ARHGEF12: variants seen among roughly 807,000 people sequenced by gnomAD.
ARHGEF12 encodes the protein Rho guanine nucleotide exchange factor 12.
A neutral mutation model predicts 211.2 loss-of-function variants in ARHGEF12; 66 were observed. The ratio of observed to expected loss-of-function variants is 0.31; its 90% CI spans 0.26 to 0.38. The LOEUF (loss-of-function observed/expected upper bound fraction) is 0.38. Among genes scored for constraint, ARHGEF12 ranks in the 10% least tolerant of loss-of-function variants. ARHGEF12 has a pLI of 1.00. For synonymous variants in ARHGEF12, 592 were observed against 638.4 expected, an observed-to-expected ratio of 0.93 and a Z score of 1.09; for missense variants, 1,429 against 1,869.5, an observed-to-expected ratio of 0.76 and a Z score of 4.34.
intron 15 of ARHGEF12, among the ~76,000 whole-genome samples, chr11:120,444,921 T>C (rs1945999546): frequency 6.6e-6 from 1 of 152,100 alleles, no homozygotes; most frequent in South Asian, 2.1e-4. Context: ...TCACTGGGAG[T>C]GTGACATTGT....
At chr11:120,447,134 G>A (rs1242738074) in intron 18 of ARHGEF12, 49 bp downstream of exon 18, 1 of 1,591,788 alleles carries the variant, frequency 6.3e-7, no homozygotes, top group African/African-American at 1.3e-5. Flanking sequence ...TGAGATACTA[G>A]TTATGCTTGA....
intron 1 of ARHGEF12, chr11:120,365,616 T>C (rs1410691092): frequency 6.6e-6 from 1 of 152,232 alleles, no homozygotes; most frequent in Non-Finnish European, 1.5e-5. Flanking sequence ...ATTCTATATG[T>C]TGCCAAAGAT....
intron 4 of ARHGEF12, among the ~76,000 whole-genome samples, chr11:120,419,477 G>T (rs1369108455): frequency 1.3e-5 from 2 of 149,274 alleles, no homozygotes; most frequent in African/African-American, 2.5e-5. Flanking sequence ...GTTATCTTAT[G>T]AAAAATTTTA....
At chr11:120,412,258 C>G (rs1944907357) in intron 4 of ARHGEF12, among the ~76,000 whole-genome samples, 1 of 152,206 alleles carries the variant, frequency 6.6e-6, no homozygotes, top group Non-Finnish European at 1.5e-5. Flanking sequence ...TAACCGCTGT[C>G]ATGGTGTCTG....
chr11:120,397,931 T>C (rs1287892456), intron 1 of ARHGEF12, among the ~76,000 whole-genome samples: 1 of 152,234 alleles, frequency 6.6e-6, no homozygotes, highest in African/African-American at 2.4e-5. Flanking sequence ...TGGGAATATA[T>C]GCATAACAAT....
intron 17 of ARHGEF12, 68 bp from the exon 18 acceptor site, chr11:120,446,880 A>G: frequency 6.4e-7 from 1 of 1,554,628 alleles, no homozygotes; most frequent in South Asian, 1.2e-5. Context: ...GAAGACTGTG[A>G]TGAAGCGTCC....
At position 120,489,065 on chromosome 11, in the gene ARHGEF12, A is replaced by T; in HGVS notation, c.*3988A>T. The T allele has an allele frequency of 4.5e-6, 1 of 221,188 alleles. No individual in the cohort carries two copies. 13.7% of individuals were successfully genotyped at this position (221,188 alleles called of 1,614,324 possible). A position where few individuals can be genotyped will look rare whatever the true frequency, so the allele number is the denominator to read the frequency against. On this transcript the variant is annotated 3_prime_UTR_variant, in exon 41 of 41. Coordinates refer to ENST00000397843, the MANE Select transcript of ARHGEF12 (RefSeq NM_015313.3). ...TGACTTTTTATTTGTATTCTGGTTG[A>T]TTTGTCTTGTCCAAGTTATATTAGA...
intron 1 of ARHGEF12, among the ~76,000 whole-genome samples, chr11:120,342,877 A>C (rs1942579731): frequency 1.3e-5 from 2 of 152,230 alleles, no homozygotes; most frequent in South Asian, 4.1e-4. Flanking sequence ...CCTTTGATGG[A>C]AAATCATCTT....
intron 39 of ARHGEF12, among the ~76,000 whole-genome samples, chr11:120,483,229 C>A (rs891958630): frequency 6.6e-6 from 1 of 151,522 alleles, no homozygotes; most frequent in Non-Finnish European, 1.5e-5. Flanking sequence ...GTGCCACACA[C>A]CAGGTTTCTA....
At chr11:120,475,101 G>A (rs910147837) in intron 32 of ARHGEF12, among the ~76,000 whole-genome samples, 7 of 152,118 alleles carry the variant, frequency 4.6e-5, no homozygotes, top group South Asian at 2.1e-4. Flanking sequence ...GACTATAGGC[G>A]CACAGCACCA....
intron 1 of ARHGEF12, among the ~76,000 whole-genome samples, chr11:120,376,872 A>G (rs1483099307): frequency 1.3e-5 from 2 of 152,108 alleles, no homozygotes; most frequent in East Asian, 1.9e-4. Flanking sequence ...AGCTCCCACA[A>G]ATGAATGAGA....
At chr11:120,381,486 G>C (rs1943876637) in intron 1 of ARHGEF12, among the ~76,000 whole-genome samples, 1 of 152,164 alleles carries the variant, frequency 6.6e-6, no homozygotes, top group Non-Finnish European at 1.5e-5. Context: ...TTTGTCATTA[G>C]CCTTACAATT....
intron 3 of ARHGEF12, 174 bp from the exon 4 acceptor site, chr11:120,409,220 G>C (rs550383230): frequency 7.1e-6 from 4 of 560,232 alleles, no homozygotes; most frequent in Non-Finnish European, 1.3e-5. Context: ...TTTAAAATAT[G>C]TCATTACCTG....
chr11:120,336,848 C>T lies in ARHGEF12; in HGVS notation c.-396C>T, dbSNP rs986947846. ...CTTGCCGCGGCGGGGAGTTCGAGGC[C>T]CCGAGACTCCGGAGGAGGAGCCGAC... On this transcript the variant is annotated 5_prime_UTR_variant, in exon 1 of 41. Transcript: ENST00000397843. The T allele has an allele frequency of 2.7e-6, 1 of 366,322 alleles. No homozygotes were observed. The highest frequency in any genetic ancestry group is 2.1e-5 in the African/African-American group (1 of 48,116). 22.7% of individuals were successfully genotyped at this position (366,322 alleles called of 1,614,324 possible).
intron 6 of ARHGEF12, among the ~76,000 whole-genome samples, chr11:120,423,127 C>A (rs1003714484): frequency 2.6e-5 from 4 of 151,962 alleles, no homozygotes; most frequent in African/African-American, 9.7e-5. Flanking sequence ...CCTAAAGTAA[C>A]TGAAATACAT....
At chr11:120,432,731 A>T (rs1945585741) in intron 11 of ARHGEF12, among the ~76,000 whole-genome samples, 1 of 152,208 alleles carries the variant, frequency 6.6e-6, no homozygotes, top group Non-Finnish European at 1.5e-5. Context: ...ATATACACAC[A>T]TCTACTATTT....
intron 1 of ARHGEF12, among the ~76,000 whole-genome samples, chr11:120,369,938 C>A (rs902398839): frequency 6.6e-6 from 1 of 152,148 alleles, no homozygotes; most frequent in Non-Finnish European, 1.5e-5. Context: ...CTGCCCCTTT[C>A]CAGAAGTAAA....
intron 1 of ARHGEF12, among the ~76,000 whole-genome samples, chr11:120,391,811 T>C (rs1944227422): frequency 6.6e-6 from 1 of 152,244 alleles, no homozygotes; most frequent in East Asian, 1.9e-4. Flanking sequence ...TCTAAAAATC[T>C]ACCTTCAAGA....
chr11:120,366,636 A>G (rs1404313130), intron 1 of ARHGEF12, among the ~76,000 whole-genome samples: 2 of 152,164 alleles, frequency 1.3e-5, no homozygotes, highest in African/African-American at 2.4e-5. Context: ...GTCTGTCCCC[A>G]GCGTCTTGAC....
Sources: allele counts gnomAD v4.1 joint callset (sites outside exome capture counted in the v4.1 genomes callset), GRCh38; gene constraint gnomAD v4.1.1; transcripts MANE v1.5; gene names NCBI Gene and HGNC (gene_info 2026-07-23, HGNC 2026-07-21).